Variants in SIPA1L3 observed in about 807,000 individuals in gnomAD.
SIPA1L3 encodes the protein signal-induced proliferation-associated 1-like protein 3.
In SIPA1L3, 59 loss-of-function variants were observed where a neutral mutation model predicts 150.1. That is an observed-to-expected ratio of 0.39 (90% CI 0.32 to 0.49). SIPA1L3 has a LOEUF of 0.49. SIPA1L3 is among the 20% of genes least tolerant of loss of function. SIPA1L3 has a pLI of 0.86. For missense variants in SIPA1L3, 2,211 were observed against 2,489.5 expected, an observed-to-expected ratio of 0.89 and a Z score of 2.38; for synonymous variants, 1,070 against 1,077.6, an observed-to-expected ratio of 0.99 and a Z score of 0.14.
intron 13 of SIPA1L3, 142 bp downstream of exon 13, chr19:38,153,109 T>A: frequency 9.1e-7 from 1 of 1,095,838 alleles, no homozygotes; most frequent in Non-Finnish European, 1.3e-6. Flanking sequence ...CATGTAAGAC[T>A]AGAGAGGGCA....
chr19:38,197,357 C>T (rs376633510), intron 18 of SIPA1L3, among the ~76,000 whole-genome samples: 2 of 152,154 alleles, frequency 1.3e-5, no homozygotes, highest in East Asian at 1.9e-4. Context: ...GAGCCTGGTG[C>T]CTGGGACTCT....
intron 1 of SIPA1L3, among the ~76,000 whole-genome samples, chr19:37,927,257 A>T (rs948143798): frequency 6.8e-6 from 1 of 147,354 alleles, no homozygotes; most frequent in Non-Finnish European, 1.5e-5. Flanking sequence ...AATTCTCCCT[A>T]CCTCAGCCTC....
At chr19:38,186,877 C>A (rs1346271362) in intron 16 of SIPA1L3, among the ~76,000 whole-genome samples, 1 of 150,988 alleles carries the variant, frequency 6.6e-6, no homozygotes, top group Admixed American at 6.6e-5. Flanking sequence ...GTAATCTGTT[C>A]CACATCCCAT....
chr19:38,125,192 T>C (rs1163262044), intron 9 of SIPA1L3, among the ~76,000 whole-genome samples: 2 of 152,114 alleles, frequency 1.3e-5, no homozygotes, highest in Non-Finnish European at 2.9e-5. Context: ...CCCGCCACCA[T>C]GCTCAGCTAA....
chr19:38,065,157 CTATT>C (rs1177626795), intron 2 of SIPA1L3, among the ~76,000 whole-genome samples: 1 of 152,346 alleles, frequency 6.6e-6, no homozygotes. Flanking sequence ...ATTACAGCCT[CTATT>C]TCCCTGGGGA....
At chr19:38,075,810 T>C (rs1902206531) in intron 2 of SIPA1L3, among the ~76,000 whole-genome samples, 1 of 150,430 alleles carries the variant, frequency 6.6e-6, no homozygotes, top group Non-Finnish European at 1.5e-5. Context: ...AGAAAAGATC[T>C]TGCAGGTGAA....
At chr19:38,194,764 CT>C (rs980537178) in intron 18 of SIPA1L3, among the ~76,000 whole-genome samples, 3 of 152,062 alleles carry the variant, frequency 2.0e-5, no homozygotes, top group Non-Finnish European at 4.4e-5. Context: ...TAAAACTCCC[CT>C]GCAGGCCGGG....
intron 9 of SIPA1L3, among the ~76,000 whole-genome samples, chr19:38,120,538 T>C (rs1376495486): frequency 6.6e-6 from 1 of 151,936 alleles, no homozygotes; most frequent in Non-Finnish European, 1.5e-5. Context: ...ATGAAAAATG[T>C]CCAAACCATT....
chr19:37,958,086 G>GT (rs1224637180), intron 1 of SIPA1L3, among the ~76,000 whole-genome samples: 4 of 151,944 alleles, frequency 2.6e-5, no homozygotes, highest in African/African-American at 7.2e-5. Context: ...GTCCTTTAAA[G>GT]TTTTTTTTAC....
chr19:38,067,043 C>T (rs1208945613), intron 2 of SIPA1L3, among the ~76,000 whole-genome samples: 1 of 151,754 alleles, frequency 6.6e-6, no homozygotes, highest in Non-Finnish European at 1.5e-5. Flanking sequence ...TCAAGACCAG[C>T]CTGGGCAACG....
At chr19:37,966,321 G>A (rs1416191118) in intron 1 of SIPA1L3, among the ~76,000 whole-genome samples, 4 of 152,122 alleles carry the variant, frequency 2.6e-5, no homozygotes, top group Admixed American at 1.3e-4. Flanking sequence ...CCCTTGCCTC[G>A]GGCTCAGTGA....
At chr19:38,157,752 G>C (rs1033438361) in intron 13 of SIPA1L3, among the ~76,000 whole-genome samples, 11 of 152,172 alleles carry the variant, frequency 7.2e-5, no homozygotes, top group Non-Finnish European at 1.6e-4. Context: ...TGCAGGGGCA[G>C]CCAGGATGGG....
intron 1 of SIPA1L3, among the ~76,000 whole-genome samples, chr19:37,961,700 T>A (rs1242422718): frequency 6.6e-6 from 1 of 152,152 alleles, no homozygotes; most frequent in Non-Finnish European, 1.5e-5. Context: ...TTGTTCAGAT[T>A]TTTTTTTCTG....
intron 2 of SIPA1L3, among the ~76,000 whole-genome samples, chr19:38,079,695 A>G (rs1156969444): frequency 1.3e-5 from 2 of 151,892 alleles, no homozygotes; most frequent in Non-Finnish European, 2.9e-5. Context: ...AGCTGGGACT[A>G]CAGGCACATG....
At chr19:38,168,956 G>A (rs574854838) in intron 15 of SIPA1L3, among the ~76,000 whole-genome samples, 8 of 152,192 alleles carry the variant, frequency 5.3e-5, no homozygotes, top group Admixed American at 1.3e-4. Flanking sequence ...TGGGTGGTGC[G>A]GGGAGGAAAA....
chr19:38,027,032 C>T (rs1484113685), intron 1 of SIPA1L3, among the ~76,000 whole-genome samples: 3 of 152,192 alleles, frequency 2.0e-5, no homozygotes, highest in East Asian at 1.9e-4. Context: ...TGTTTCACAC[C>T]TGTAATCCCA....
chr19:38,038,612 G>T (rs1968843887), intron 2 of SIPA1L3, among the ~76,000 whole-genome samples: 1 of 144,726 alleles, frequency 6.9e-6, no homozygotes, highest in African/African-American at 2.6e-5. Flanking sequence ...AAAAAGTCAT[G>T]TGCATGTTAC....
intron 6 of SIPA1L3, 28 bp from the exon 7 acceptor site, chr19:38,106,509 A>G (rs756584488): frequency 1.3e-6 from 2 of 1,496,678 alleles, no homozygotes; most frequent in East Asian, 4.5e-5. Context: ...TTTTGGAAAC[A>G]TGGTCCTAAC....
chr19:37,928,423 T>C (rs1040741135), intron 1 of SIPA1L3, among the ~76,000 whole-genome samples: 1 of 151,910 alleles, frequency 6.6e-6, no homozygotes, highest in South Asian at 2.1e-4. Context: ...ATGCAAAAAT[T>C]AGCCGGGTGT....
Sources: allele counts gnomAD v4.1 joint callset (sites outside exome capture counted in the v4.1 genomes callset), GRCh38; gene constraint gnomAD v4.1.1; transcripts MANE v1.5; gene names NCBI Gene and HGNC (gene_info 2026-07-23, HGNC 2026-07-21).